SNN: variants seen among roughly 807,000 people sequenced by gnomAD.
The protein encoded by SNN is stannin, also known as AG8_1.
SNN carries 5 observed loss-of-function variants against 5.3 expected under a neutral mutation model. The ratio of observed to expected loss-of-function variants is 0.94; its 90% confidence interval spans 0.49 to 1.97. The LOEUF (loss-of-function observed/expected upper bound fraction) is 1.97, where lower values mean the gene tolerates loss of function less well. Ranked by LOEUF, SNN falls within the 30% of genes most tolerant of loss-of-function variation. The pLI, the probability that SNN is intolerant of heterozygous loss-of-function variation, is 0.01. For missense variants in SNN, 127 were observed against 121.6 expected, an observed-to-expected ratio of 1.04 and a Z score of -0.21; for synonymous variants, 67 against 52.1, an observed-to-expected ratio of 1.29 and a Z score of -1.24.
intron 1 of SNN, among the ~76,000 whole-genome samples, chr16:11,673,522 G>A (rs1345247797): frequency 6.6e-6 from 1 of 152,214 alleles, no homozygotes; most frequent in South Asian, 2.1e-4. Flanking sequence ...CGTGGTGGGG[G>A]CTGCCCTGTG....
Position 11,676,210 on chromosome 16 carries a change from G to A in SNN, c.151G>A (p.Val51Met), listed in dbSNP as rs367926688. 2.5e-5 allele frequency: 40 copies of A among 1,614,228 alleles called. No individual in the cohort carries two copies. Among genetic ancestry groups the A allele is most frequent in the Non-Finnish European group, 3.1e-5 (36 of 1,180,054 alleles). The change falls in exon 2 of 2, where the codon GTG becomes ATG. Residue 51 changes from valine (V) to methionine (M), a missense_variant. Physicochemically the swap from Val to Met is conservative, Grantham distance 21. Coordinates refer to ENST00000329565, the MANE Select transcript of SNN (RefSeq NM_003498.6). Reference protein sequence around the residue: ...ISQSEDEESIVGDGETKEPFL... With the variant: ...ISQSEDEESIMGDGETKEPFL... Reference sequence around the variant, plus strand: ...CCAGTCAGAGGACGAGGAGAGCATCGTGGGGGATGGGGAGACCAAGGAACC... The same window carrying A: ...CCAGTCAGAGGACGAGGAGAGCATCATGGGGGATGGGGAGACCAAGGAACC...
At position 11,675,651 on chromosome 16, in the gene SNN, G is replaced by A. The variant is rs536375299; in HGVS notation, c.-85-324G>A. Reference sequence around the variant, plus strand: ...CCTGAGTGGTCATGAACACTGAGTTGGGGCTGGGCTTCCCGAAGGCACACC... The same window carrying A: ...CCTGAGTGGTCATGAACACTGAGTTAGGGCTGGGCTTCCCGAAGGCACACC... On this transcript the variant is annotated intron_variant, in intron 1 of 1. Transcript: ENST00000329565. Among the ~76,000 whole-genome samples the A allele has an allele frequency of 4.6e-5, 7 of 152,346 alleles. No individual in the cohort carries two copies. In the South Asian group the frequency reaches 1.4e-3, roughly 32 times the overall value.
At position 11,671,407 on chromosome 16, in the gene SNN, C is replaced by A. The variant is rs1463408210; in HGVS notation, c.-86+2867C>A. Among the ~76,000 whole-genome samples the A allele has an allele frequency of 1.3e-5, 2 of 152,146 alleles. No homozygotes were observed. The highest frequency in any genetic ancestry group is 2.9e-5 in the Non-Finnish European group (2 of 68,014). On this transcript the variant is annotated intron_variant, in intron 1 of 1. Coordinates refer to ENST00000329565, the MANE Select transcript of SNN (RefSeq NM_003498.6). This position sits in a 1 kb window ranked among gnomAD's most constrained non-coding sequence, Gnocchi z 4.7. ...AGAGATGGAAGGCCCAGGCTGTGCT[C>A]TGGGTCCTGGCCCCTCTGCACTTGG...
intron 1 of SNN, among the ~76,000 whole-genome samples, chr16:11,673,123 G>A (rs1200938128): frequency 2.6e-5 from 4 of 152,168 alleles, no homozygotes; most frequent in Non-Finnish European, 4.4e-5. Flanking sequence ...GCAGGTTGGT[G>A]TTCTTCTTGC....
At chr16:11,675,745 G>C (rs1483405851) in intron 1 of SNN, among the ~76,000 whole-genome samples, 1 of 152,226 alleles carries the variant, frequency 6.6e-6, no homozygotes, top group East Asian at 1.9e-4. Context: ...CTGTCGCAGT[G>C]TTCCCGGCTC....
chr16:11,676,559 G>C lies in SNN; in HGVS notation c.*233G>C. 1.8e-6 allele frequency: 1 copy of C among 568,100 alleles called. No homozygotes were observed. Among genetic ancestry groups the C allele is most frequent in the South Asian group, 2.5e-5 (1 of 39,932 alleles). The allele number at this position is 568,100 out of a possible 1,614,324, so 35.2% of individuals were successfully genotyped here. ...GCACTGGGCAGGCCTGACCTTGCTG[G>C]GGCTCATGGCCCTGTAGCGCTTTTG... On this transcript the variant is annotated 3_prime_UTR_variant, in exon 2 of 2. Coordinates refer to ENST00000329565, the MANE Select transcript of SNN (RefSeq NM_003498.6).
At chr16:11,670,766 GC>G (rs949827997) in intron 1 of SNN, among the ~76,000 whole-genome samples, 2 of 152,154 alleles carry the variant, frequency 1.3e-5, no homozygotes, top group African/African-American at 2.4e-5. Flanking sequence ...CGGTCTGTGG[GC>G]CCCCCGGGCC....
Position 11,678,339 on chromosome 16 carries a change from T to C in SNN, c.*2013T>C, listed in dbSNP as rs1157920143. The C allele has an allele frequency of 6.0e-6, 1 of 167,108 alleles. No individual in the cohort carries two copies. Among genetic ancestry groups the C allele is most frequent in the Non-Finnish European group, 1.5e-5 (1 of 68,150 alleles). The allele number at this position is 167,108 out of a possible 1,614,324, so 10.4% of individuals were successfully genotyped here. ...CTCACGTTTCAGAACTTCCAGGCTT[T>C]CTACCTCGACTCTCACCACAGCCAG... On this transcript the variant is annotated 3_prime_UTR_variant, in exon 2 of 2. Transcript: ENST00000329565.
rs1033460972 is a variant in SNN at position 11,679,002 on chromosome 16, G to A, written c.*2676G>A. On this transcript the variant is annotated 3_prime_UTR_variant, in exon 2 of 2. Transcript: ENST00000329565. The surrounding 1 kb of genome is among the most constrained non-coding windows in gnomAD (Gnocchi z 4.6). ...TCAAACGGACTGTGCTACTGTATTT[G>A]TCTCAAAGCTACCAAGTTTGTGCAA... is the stretch of plus-strand genomic sequence containing the variant. The A allele has an allele frequency of 3.1e-6, 2 of 651,862 alleles. No individual in the cohort carries two copies. Among genetic ancestry groups the A allele is most frequent in the African/African-American group, 3.7e-5 (2 of 54,252 alleles). 40.4% of individuals were successfully genotyped at this position (651,862 alleles called of 1,614,324 possible). A position where few individuals can be genotyped will look rare whatever the true frequency, so the allele number is the denominator to read the frequency against.
rs2050269969 is a variant in SNN, at chr16:11,672,200, T to C, written c.-86+3660T>C. Among the ~76,000 whole-genome samples, 1 of 152,082 alleles carries C rather than the reference T, an allele frequency of 6.6e-6. No homozygotes were observed. Among genetic ancestry groups the C allele is most frequent in the Non-Finnish European group, 1.5e-5 (1 of 67,994 alleles). On this transcript the variant is annotated intron_variant, in intron 1 of 1. Coordinates refer to ENST00000329565, the MANE Select transcript of SNN (RefSeq NM_003498.6). The surrounding 1 kb of genome is among the most constrained non-coding windows in gnomAD (Gnocchi z 6.0). ...ACTGTGTACCCGTGCAGGGCAGGGG[T>C]ACAGCTGTGGGCGGGACAGACGGTG...
At chr16:11,669,313 C>T (rs2050250969) in intron 1 of SNN, among the ~76,000 whole-genome samples, 1 of 152,256 alleles carries the variant, frequency 6.6e-6, no homozygotes. Context: ...AAGTCCCCAG[C>T]ACCCAGCCCA....
Position 11,676,226 on chromosome 16 carries a change from C to A in SNN, c.167C>A (p.Thr56Asn), listed in dbSNP as rs1385079876. The A allele has an allele frequency of 6.2e-7, 1 of 1,614,174 alleles. No individual in the cohort carries two copies. Among genetic ancestry groups the A allele is most frequent in the South Asian group, 1.1e-5 (1 of 91,086 alleles). Residue 56 changes from threonine to asparagine, a missense_variant, in exon 2 of 2, where the codon ACC (threonine) becomes AAC (asparagine). Thr to Asn is a moderately conservative substitution (Grantham distance 65, BLOSUM62 0). Coordinates refer to ENST00000329565, the MANE Select transcript of SNN (RefSeq NM_003498.6). ...DEESIVGDGETKEPFLLVQYS... is the reference protein window; with the variant it reads ...DEESIVGDGENKEPFLLVQYS... ...GAGAGCATCGTGGGGGATGGGGAGACCAAGGAACCCTTCCTGCTGGTGCAG... is the reference window on the plus strand; with the variant it reads ...GAGAGCATCGTGGGGGATGGGGAGAACAAGGAACCCTTCCTGCTGGTGCAG...
rs1229387062 is a variant in SNN at position 11,677,475 on chromosome 16, C to T, written c.*1149C>T. The T allele has an allele frequency of 1.2e-5, 2 of 167,100 alleles. No individual in the cohort carries two copies. Among genetic ancestry groups the T allele is most frequent in the East Asian group, 1.9e-4 (1 of 5,194 alleles). 10.4% of individuals were successfully genotyped at this position (167,100 alleles called of 1,614,324 possible). A position where few individuals can be genotyped will look rare whatever the true frequency, so the allele number is the denominator to read the frequency against. On this transcript the variant is annotated 3_prime_UTR_variant, in exon 2 of 2. Coordinates refer to ENST00000329565, the MANE Select transcript of SNN (RefSeq NM_003498.6). This position sits in a 1 kb window ranked among gnomAD's most constrained non-coding sequence, Gnocchi z 4.2. ...CTAAAGGCACTTAGGACCCAGGGAACATTTCTCACGTGCACATTCCCCTAA... is the reference window on the plus strand; with the variant it reads ...CTAAAGGCACTTAGGACCCAGGGAATATTTCTCACGTGCACATTCCCCTAA...
Position 11,676,347 on chromosome 16 carries a change from G to A in SNN, c.*21G>A, listed in dbSNP as rs1480276107. The A allele has an allele frequency of 1.4e-5, 22 of 1,603,552 alleles. No individual in the cohort carries two copies. The highest frequency in any genetic ancestry group is 2.2e-5 in the East Asian group (1 of 44,560). ...GCTGAGCCAGGATGCAAGGCTCCTG[G>A]TCCTGTTTGCAGCCGGCCAAGAGGC... On this transcript the variant is annotated 3_prime_UTR_variant, in exon 2 of 2. Transcript: ENST00000329565.
At position 11,676,007 on chromosome 16, in the gene SNN, CTGAG is replaced by C; in HGVS notation, c.-50_-47del. 1 of 1,529,490 alleles carries C rather than the reference CTGAG, an allele frequency of 6.5e-7. No homozygotes were observed. Among genetic ancestry groups the C allele is most frequent in the Non-Finnish European group, 8.8e-7 (1 of 1,137,818 alleles). The allele number at this position is 1,529,490 out of a possible 1,614,324, so 94.7% of individuals were successfully genotyped here. A position where few individuals can be genotyped will look rare whatever the true frequency, so the allele number is the denominator to read the frequency against. ...GTGTCCAGCCTGAGTTCCAGCCTCA[CTGAG>C]TGGCCACCCCCAAAGTGCTGCCAGC... On this transcript the variant is annotated 5_prime_UTR_variant, in exon 2 of 2. The change abolishes the stop of an existing upstream ORF in the 5' untranslated region. Transcript: ENST00000329565.
At position 11,672,802 on chromosome 16, in the gene SNN, A is replaced by C. The variant is rs1374226908; in HGVS notation, c.-85-3173A>C. Among the ~76,000 whole-genome samples the C allele has an allele frequency of 6.6e-6, 1 of 151,428 alleles. No homozygotes were observed. Among genetic ancestry groups the C allele is most frequent in the East Asian group, 2.0e-4 (1 of 5,126 alleles). ...CCACTCCTCTTAGAGAATCCCTTTG[A>C]GCTGGGGCCGCCTGTGCCTCAGTTT... is the stretch of plus-strand genomic sequence containing the variant. On this transcript the variant is annotated intron_variant, in intron 1 of 1. Transcript: ENST00000329565. The surrounding 1 kb of genome is among the most constrained non-coding windows in gnomAD (Gnocchi z 6.0).
chr16:11,673,632 G>A (rs1258170720), intron 1 of SNN, among the ~76,000 whole-genome samples: 2 of 152,208 alleles, frequency 1.3e-5, no homozygotes, highest in Admixed American at 1.3e-4. Context: ...GACATGGCCA[G>A]ATGTCCCCAG....
Position 11,671,897 on chromosome 16 carries a change from G to A in SNN, c.-86+3357G>A, listed in dbSNP as rs957981249. Reference sequence around the variant, plus strand: ...CCCTTCCCTCCCTGCCTGCCAGCAAGCATGGAGCCAGCTGCCCTTCCATGG... The same window carrying A: ...CCCTTCCCTCCCTGCCTGCCAGCAAACATGGAGCCAGCTGCCCTTCCATGG... On this transcript the variant is annotated intron_variant, in intron 1 of 1. Transcript: ENST00000329565. The surrounding 1 kb of genome is among the most constrained non-coding windows in gnomAD (Gnocchi z 4.7). 2.4e-4 allele frequency among the ~76,000 whole-genome samples: 36 copies of A among 152,296 alleles called. No individual in the cohort carries two copies. In the Middle Eastern group the frequency reaches 0.017, roughly 72 times the overall value.
Position 11,678,677 on chromosome 16 carries a change from G to A in SNN, c.*2351G>A, listed in dbSNP as rs2050329958. 5.9e-6 allele frequency: 1 copy of A among 168,748 alleles called. No homozygotes were observed. Among genetic ancestry groups the A allele is most frequent in the Admixed American group, 6.5e-5 (1 of 15,464 alleles). 10.5% of individuals were successfully genotyped at this position (168,748 alleles called of 1,614,324 possible). ...AAGGTCCGGGGCTCGGTGAGGCACT[G>A]GGGGGGTTTTCGGGAGGAAAATGAA... On this transcript the variant is annotated 3_prime_UTR_variant, in exon 2 of 2. Transcript: ENST00000329565.
Sources: gnomAD v4.1 joint callset for allele counts (sites outside exome capture counted in the v4.1 genomes callset) on GRCh38, gnomAD v4.1.1 for gene constraint, Gnocchi (gnomAD v3.1) non-coding constraint, MANE v1.5 for transcripts, NCBI Gene and HGNC (gene_info 2026-07-23, HGNC 2026-07-21) for gene names.